The following TSPAN8 variants were observed in gnomAD, a reference collection of about 807,000 sequenced individuals.
The protein encoded by TSPAN8 is tetraspanin-8.
A neutral mutation model predicts 32.8 loss-of-function variants in TSPAN8; 21 were observed. The ratio of observed to expected loss-of-function variants is 0.64; its 90% confidence interval spans 0.45 to 0.92. The LOEUF is 0.92. Ranked by LOEUF, TSPAN8 falls within the 40% of genes least tolerant of loss-of-function variation. The pLI, the probability that TSPAN8 is intolerant of heterozygous loss-of-function variation, is 0.00. For missense variants in TSPAN8, 269 were observed against 281.9 expected (o/e 0.95, Z 0.33); for synonymous variants, 95 against 94.6 (o/e 1.00, Z -0.03).
intron 6 of TSPAN8, 23 bp downstream of exon 6, chr12:71,137,930 A>G (rs1325867671): frequency 1.3e-6 from 2 of 1,594,160 alleles, no homozygotes; most frequent in Non-Finnish European, 1.7e-6. Context: ...AACTCTTTAA[A>G]ATGAACAATG....
chr12:71,138,856 T>C lies in TSPAN8; in HGVS notation c.262-626A>G, dbSNP rs116942016. On this transcript the variant is annotated intron_variant, in intron 4 of 8. Coordinates refer to ENST00000247829, the MANE Select transcript of TSPAN8 (RefSeq NM_004616.3). ...ACCGTCCCTCACAATAAACAAACAGTTTTGAACATTTTTCTCAGGTACTGA... is the reference window on the plus strand; with the variant it reads ...ACCGTCCCTCACAATAAACAAACAGCTTTGAACATTTTTCTCAGGTACTGA... Among the ~76,000 whole-genome samples the C allele has an allele frequency of 2.2e-4, 33 of 152,324 alleles. No homozygotes were observed. The East Asian group carries it at 5.0e-3, about 23-fold the overall frequency.
chr12:71,139,971 T>A, intron 3 of TSPAN8, 123 bp from the exon 4 acceptor site: 3 of 481,454 alleles, frequency 6.2e-6, no homozygotes, highest in South Asian at 6.7e-5. Flanking sequence ...CTGAAATACA[T>A]CAGTGATCTT....
At chr12:71,125,605 A>G (rs1031193470) in intron 8 of TSPAN8, among the ~76,000 whole-genome samples, 1 of 152,136 alleles carries the variant, frequency 6.6e-6, no homozygotes, top group African/African-American at 2.4e-5. Flanking sequence ...CAGCTTTTTT[A>G]GCTGGCCAAT....
At position 71,129,352 on chromosome 12, in the gene TSPAN8, T is replaced by C; in HGVS notation, c.639A>G (p.Ser213=). 1 of 1,586,640 alleles carries C rather than the reference T, an allele frequency of 6.3e-7. No homozygotes were observed. The highest frequency in any genetic ancestry group is 8.6e-7 in the Non-Finnish European group (1 of 1,166,876). The change falls in exon 8 of 9, where the codon TCA becomes TCG. Residue 213 remains serine (S), a synonymous_variant. Transcript: ENST00000247829. ...GTACCTCAATAACTGCCAGTCCAAATGATATTCCAATAACTATAATCAAAT... is the reference window on the plus strand; with the variant it reads ...GTACCTCAATAACTGCCAGTCCAAACGATATTCCAATAACTATAATCAAAT... The part of the protein sequence containing the change: ...AKNLIIVIGI[S]FGLAVIEILG...
At chr12:71,126,511 G>C (rs933138583) in intron 8 of TSPAN8, among the ~76,000 whole-genome samples, 7 of 152,028 alleles carry the variant, frequency 4.6e-5, no homozygotes, top group African/African-American at 2.4e-5. Context: ...AGACTAGATA[G>C]TTAATATCAC....
intron 7 of TSPAN8, among the ~76,000 whole-genome samples, chr12:71,131,705 T>C (rs931462220): frequency 1.4e-5 from 1 of 69,200 alleles, no homozygotes; most frequent in Non-Finnish European, 3.9e-5. Flanking sequence ...AGTAAATAAA[T>C]GAAATACTAA....
rs775312071 is a variant in TSPAN8, at chr12:71,139,679, G to A, written c.261+32C>T. 5 of 1,609,838 alleles carry A rather than the reference G, an allele frequency of 3.1e-6. No individual in the cohort carries two copies. The South Asian group carries it at 4.4e-5, about 14-fold the overall frequency. On this transcript the variant is annotated intron_variant, in intron 4 of 8. Transcript: ENST00000247829. ...GGAGAGAATCCTCTGGAGTCTGAAG[G>A]TTGGACACTGGGATTTGTTTGGAGA...
intron 3 of TSPAN8, among the ~76,000 whole-genome samples, chr12:71,140,731 A>G (rs890263229): frequency 2.0e-5 from 3 of 152,226 alleles, no homozygotes; most frequent in Non-Finnish European, 4.4e-5. Flanking sequence ...CTTGTCCTCG[A>G]TAAGTGGATT....
chr12:71,154,336 A>AATAATC (rs1349966021), intron 2 of TSPAN8, among the ~76,000 whole-genome samples: 3 of 148,048 alleles, frequency 2.0e-5, no homozygotes, highest in Non-Finnish European at 4.5e-5. Context: ...TAATAATAAT[A>AATAATC]ATAATAATAA....
intron 7 of TSPAN8, among the ~76,000 whole-genome samples, chr12:71,130,179 C>CCCGGGCTCAAGCAATCCA (rs1871476776): frequency 6.6e-6 from 1 of 152,034 alleles, no homozygotes; most frequent in Non-Finnish European, 1.5e-5. Flanking sequence ...GTCTTGAACT[C>CCCGGGCTCAAGCAATCCA]CCGGGCTCAA....
chr12:71,151,799 GA>G (rs1270329078), intron 2 of TSPAN8, among the ~76,000 whole-genome samples: 3 of 152,186 alleles, frequency 2.0e-5, no homozygotes, highest in East Asian at 3.9e-4. Flanking sequence ...TCACCTGGAG[GA>G]AAAGGTTTGA....
At chr12:71,131,947 G>A (rs1170417523) in intron 7 of TSPAN8, among the ~76,000 whole-genome samples, 1 of 152,046 alleles carries the variant, frequency 6.6e-6, no homozygotes, top group Non-Finnish European at 1.5e-5. Context: ...CATGAGCGCA[G>A]ACATTGTGCT....
chr12:71,127,890 CTT>C (rs977984716), intron 8 of TSPAN8, among the ~76,000 whole-genome samples: 8 of 152,252 alleles, frequency 5.3e-5, no homozygotes, highest in Middle Eastern at 3.4e-3. Context: ...AAATATAACT[CTT>C]ATATTAAATA....
intron 8 of TSPAN8, among the ~76,000 whole-genome samples, chr12:71,125,880 A>G (rs1871335783): frequency 7.1e-6 from 1 of 140,236 alleles, no homozygotes; most frequent in African/African-American, 2.5e-5. Flanking sequence ...TAAAAAATGA[A>G]GTAACTCTTT....
In TSPAN8 at chr12:71,157,722, T is replaced by G. The variant is rs756120344; in HGVS notation, c.-44A>C. The G allele has an allele frequency of 2.7e-6, 4 of 1,500,796 alleles. No individual in the cohort carries two copies. In the South Asian group the frequency reaches 3.4e-5, roughly 13 times the overall value. The allele number at this position is 1,500,796 out of a possible 1,614,324, so 93.0% of individuals were successfully genotyped here. A position where few individuals can be genotyped will look rare whatever the true frequency, so the allele number is the denominator to read the frequency against. ...ATCCAGATGCCGTGAATTTAACTAT[T>G]CGTTACAGGCTTGTCCTGCAATATG... is the stretch of plus-strand genomic sequence containing the variant. On this transcript the variant is annotated 5_prime_UTR_variant, in exon 2 of 9. Coordinates refer to ENST00000247829, the MANE Select transcript of TSPAN8 (RefSeq NM_004616.3).
At chr12:71,156,684 G>A (rs1872454755) in intron 2 of TSPAN8, among the ~76,000 whole-genome samples, 1 of 152,180 alleles carries the variant, frequency 6.6e-6, no homozygotes, top group Admixed American at 6.5e-5. Context: ...GGTATGAGAT[G>A]TCTGTTTACT....
chr12:71,152,420 T>C (rs1872285688), intron 2 of TSPAN8, among the ~76,000 whole-genome samples: 1 of 152,230 alleles, frequency 6.6e-6, no homozygotes, highest in African/African-American at 2.4e-5. Flanking sequence ...AAAACACCTA[T>C]AAAATACTGG....
At chr12:71,153,558 T>C (rs569926085) in intron 2 of TSPAN8, among the ~76,000 whole-genome samples, 50 of 152,322 alleles carry the variant, frequency 3.3e-4, no homozygotes, top group South Asian at 1.0e-3. Context: ...CCAGAAAGAA[T>C]GCATTTGAAA....
chr12:71,143,329 G>A (rs896956730), intron 3 of TSPAN8, among the ~76,000 whole-genome samples: 3 of 152,084 alleles, frequency 2.0e-5, no homozygotes, highest in African/African-American at 2.4e-5. Flanking sequence ...AACAATCCCC[G>A]CACACTCGCC....
Sources: allele counts gnomAD v4.1 joint callset (sites outside exome capture counted in the v4.1 genomes callset), GRCh38; gene constraint gnomAD v4.1.1; transcripts MANE v1.5; gene names NCBI Gene and HGNC (gene_info 2026-07-23, HGNC 2026-07-21).